The following SPTAN1 variants were observed in gnomAD, a reference collection of about 807,000 sequenced individuals.
SPTAN1 encodes spectrin alpha, non-erythrocytic 1.
Under a neutral mutation model 331.3 loss-of-function variants are expected in SPTAN1, and 61 were observed. The ratio of observed to expected loss-of-function variants is 0.18; its 90% CI spans 0.15 to 0.23. The LOEUF (loss-of-function observed/expected upper bound fraction) is 0.23. Among genes scored for constraint, SPTAN1 ranks in the 10% least tolerant of loss-of-function variants. The pLI, the probability that SPTAN1 is intolerant of heterozygous loss-of-function variation, is 1.00. For synonymous variants in SPTAN1, 1,153 were observed against 1,173.9 expected, an observed-to-expected ratio of 0.98 and a Z score of 0.36; for missense variants, 2,043 against 3,147.9, an observed-to-expected ratio of 0.65 and a Z score of 8.40.
chr9:128,604,584 G>T (rs965753821), intron 29 of SPTAN1, among the ~76,000 whole-genome samples, 167 bp downstream of exon 29: 1 of 152,208 alleles, frequency 6.6e-6, no homozygotes, highest in African/African-American at 2.4e-5. Context: ...GAATTATTTG[G>T]CTTTTTAGAG....
intron 20 of SPTAN1, 23 bp downstream of exon 20, chr9:128,587,721 G>A (rs760600514): frequency 2.5e-6 from 4 of 1,609,640 alleles, no homozygotes; most frequent in South Asian, 1.1e-5. Flanking sequence ...CAGTTTATGG[G>A]TTACTGGAGG....
At chr9:128,576,758 C>T in intron 5 of SPTAN1, 65 bp from the exon 6 acceptor site, 1 of 1,600,052 alleles carries the variant, frequency 6.2e-7, no homozygotes, top group South Asian at 1.1e-5. Context: ...GAACCAACCC[C>T]AGGGTAACTA....
chr9:128,619,593 A>G (rs1857593882), intron 44 of SPTAN1, among the ~76,000 whole-genome samples: 1 of 152,194 alleles, frequency 6.6e-6, no homozygotes, highest in African/African-American at 2.4e-5. Context: ...CTGTGTGTCT[A>G]TTCACATTTC....
chr9:128,608,741 T>C (rs1589313656), intron 34 of SPTAN1, 133 bp from the exon 35 acceptor site: 3 of 857,718 alleles, frequency 3.5e-6, no homozygotes, highest in Non-Finnish European at 4.0e-6. Flanking sequence ...GCTTCTAAAG[T>C]GTCAGTGTAT....
At chr9:128,621,288 G>A (rs757552510) in intron 45 of SPTAN1, 32 bp downstream of exon 45, 22 of 1,583,472 alleles carry the variant, frequency 1.4e-5, no homozygotes, top group South Asian at 1.1e-4. Context: ...GACCTCCATC[G>A]CCCACTGGGA....
rs766040138 is a variant in SPTAN1 at position 128,611,681 on chromosome 9, C to A, written c.4774-33C>A. ...CTGAAAAGACATAACCTAGCAGGAA[C>A]TGGTTTGGAAAAAATTTTTTTGGTA... On this transcript the variant is annotated intron_variant, in intron 37 of 56. Coordinates refer to ENST00000372739, the MANE Select transcript of SPTAN1 (RefSeq NM_001130438.3). 1.1e-5 allele frequency: 18 copies of A among 1,612,392 alleles called. No homozygotes were observed. The South Asian group carries it at 1.6e-4, about 15-fold the overall frequency.
At position 128,576,772 on chromosome 9, in the gene SPTAN1, G is replaced by T. The variant is rs776108784; in HGVS notation, c.652-51G>T. On this transcript the variant is annotated intron_variant, in intron 5 of 56. Coordinates refer to ENST00000372739, the MANE Select transcript of SPTAN1 (RefSeq NM_001130438.3). Reference sequence around the variant, plus strand: ...GGAACCAACCCCAGGGTAACTAGTTGGAGGAGCCAGAAGTTGTGTACAAAT... The same window carrying T: ...GGAACCAACCCCAGGGTAACTAGTTTGAGGAGCCAGAAGTTGTGTACAAAT... 7 of 1,607,936 alleles carry T rather than the reference G, an allele frequency of 4.4e-6. No individual in the cohort carries two copies. In the Admixed American group the frequency reaches 1.0e-4, roughly 23 times the overall value.
intron 49 of SPTAN1, 92 bp downstream of exon 49, chr9:128,626,779 G>GAA: frequency 9.5e-7 from 1 of 1,047,812 alleles, no homozygotes; most frequent in Non-Finnish European, 1.3e-6. Flanking sequence ...GTCACGACAA[G>GAA]ACGAGCAGGA....
chr9:128,614,368 G>A (rs953811474), intron 40 of SPTAN1, among the ~76,000 whole-genome samples: 2 of 152,092 alleles, frequency 1.3e-5, no homozygotes, highest in African/African-American at 2.4e-5. Flanking sequence ...GAGGCGGGTG[G>A]ATCGCCTGAG....
In SPTAN1 at chr9:128,604,398, G is replaced by A; in HGVS notation, c.3700G>A (p.Glu1234Lys). The A allele has an allele frequency of 6.2e-7, 1 of 1,613,744 alleles. No homozygotes were observed. The highest frequency in any genetic ancestry group is 8.5e-7 in the Non-Finnish European group (1 of 1,179,850). Residue 1234 changes from glutamate (E) to lysine (K), a missense_variant, in exon 29 of 57, where the codon GAA (glutamate) becomes AAA (lysine). Coordinates refer to ENST00000372739, the MANE Select transcript of SPTAN1 (RefSeq NM_001130438.3). ...ERSQLLGSAH[E>K]VQRFHRDADE... Reference sequence around the variant, plus strand: ...GAGCCAGCTCTTGGGCAGCGCCCATGAAGTACAGAGGTTCCACAGGTGAGG... The same window carrying A: ...GAGCCAGCTCTTGGGCAGCGCCCATAAAGTACAGAGGTTCCACAGGTGAGG...
intron 56 of SPTAN1, 28 bp downstream of exon 56, chr9:128,632,983 G>T: frequency 6.2e-7 from 1 of 1,608,026 alleles, no homozygotes. Context: ...TGGGTGAAGA[G>T]GTGTCCTTTG....
chr9:128,590,531 T>A (rs1853332209), intron 21 of SPTAN1, among the ~76,000 whole-genome samples: 1 of 126,128 alleles, frequency 7.9e-6, no homozygotes, highest in African/African-American at 3.0e-5. Context: ...TAGCGAGACC[T>A]CATCTCTATT....
chr9:128,607,931 G>A lies in SPTAN1; in HGVS notation c.4226G>A (p.Gly1409Glu), dbSNP rs1225574331. 2.5e-6 allele frequency: 4 copies of A among 1,613,946 alleles called. No homozygotes were observed. In the Admixed American group the frequency reaches 5.0e-5, roughly 20 times the overall value. Reference sequence around the variant, plus strand: ...TTTGGACAGCAGCTGTTGGCTCACGGACACTATGCCAGCCCTGAGATCAAG... The same window carrying A: ...TTTGGACAGCAGCTGTTGGCTCACGAACACTATGCCAGCCCTGAGATCAAG... The part of the protein sequence containing the change: ...EQFGQQLLAH[G>E]HYASPEIKQK... The change falls in exon 33 of 57, where the codon GGA becomes GAA. Residue 1409 changes from glycine (G) to glutamate (E), a missense_variant. Gly to Glu is a moderately conservative substitution (Grantham distance 98, BLOSUM62 -2). Around this residue, in one of 12 missense-constraint regions of SPTAN1, gnomAD observed 179 missense variants for 215.7 expected, o/e 0.83. Transcript: ENST00000372739.
Position 128,588,916 on chromosome 9 carries a change from C to T in SPTAN1, c.2979C>T (p.Ile993=). 1 of 1,614,028 alleles carries T rather than the reference C, an allele frequency of 6.2e-7. No homozygotes were observed. The highest frequency in any genetic ancestry group is 8.5e-7 in the Non-Finnish European group (1 of 1,179,998). The change falls in exon 21 of 57, where the codon ATC becomes ATT. Residue 993 remains isoleucine (I), a synonymous_variant. Transcript: ENST00000372739. ...AGGTCACCATGAAGAAGGGAGATAT[C>T]CTTACCTTACTCAACAGCACCAACA... is the stretch of plus-strand genomic sequence containing the variant. ...PREVTMKKGD[I]LTLLNSTNKD...
chr9:128,558,317 A>G (rs2132705466), intron 1 of SPTAN1, among the ~76,000 whole-genome samples: 1 of 152,354 alleles, frequency 6.6e-6, no homozygotes, highest in East Asian at 1.9e-4. Context: ...AGCATTTATA[A>G]ATAGCCTACG....
intron 4 of SPTAN1, 141 bp from the exon 5 acceptor site, chr9:128,575,058 C>G: frequency 7.5e-7 from 1 of 1,340,454 alleles, no homozygotes; most frequent in Non-Finnish European, 1.1e-6. Flanking sequence ...GTGGGAGGAA[C>G]TAAAATCACA....
At chr9:128,553,847 G>A (rs558389009) in intron 1 of SPTAN1, among the ~76,000 whole-genome samples, 132 of 152,288 alleles carry the variant, frequency 8.7e-4, no homozygotes, top group African/African-American at 2.7e-3. Flanking sequence ...TTTTCATAAT[G>A]TGTTGAGAAA....
At chr9:128,593,399 G>T in intron 23 of SPTAN1, 1 of 294,672 alleles carries the variant, frequency 3.4e-6, no homozygotes, top group Non-Finnish European at 6.5e-6. Context: ...AAAGTGCTCT[G>T]ATTCTTGGTA....
At chr9:128,582,012 G>A (rs1350128372) in intron 12 of SPTAN1, 120 bp downstream of exon 12, 3 of 779,788 alleles carry the variant, frequency 3.8e-6, no homozygotes, top group African/African-American at 3.4e-5. Flanking sequence ...TCCTGTGGGT[G>A]CTTAAACTTT....
Sources: gnomAD v4.1 joint callset for allele counts (sites outside exome capture counted in the v4.1 genomes callset) on GRCh38, gnomAD v4.1.1 for gene constraint, gnomAD v4.1.1 regional missense constraint, MANE v1.5 for transcripts, NCBI Gene and HGNC (gene_info 2026-07-23, HGNC 2026-07-21) for gene names.